The following GRIN1 variants were observed in gnomAD, a reference collection of about 807,000 sequenced individuals.
The protein encoded by GRIN1 is glutamate receptor ionotropic, NMDA 1.
Under a neutral mutation model 103.0 loss-of-function variants are expected in GRIN1, and 38 were observed. That is an observed-to-expected ratio of 0.37 (90% CI 0.28 to 0.48). The LOEUF (loss-of-function observed/expected upper bound fraction) is 0.48. GRIN1 is among the 20% of genes least tolerant of loss of function. The probability of loss-of-function intolerance (pLI) is 0.98; values close to 1 mark genes in which losing one functional copy is unlikely to be tolerated. For missense variants in GRIN1, 577 were observed against 1,288.9 expected (o/e 0.45, Z 8.46); for synonymous variants, 544 against 532.7 (o/e 1.02, Z -0.29).
intron 18 of GRIN1, 37 bp downstream of exon 18, chr9:137,163,941 G>T (rs1564365547): frequency 2.5e-6 from 4 of 1,607,760 alleles, no homozygotes; most frequent in Non-Finnish European, 1.7e-6. Flanking sequence ...GGTGCCCAGG[G>T]CCCGGCCTGG....
intron 19 of GRIN1, among the ~76,000 whole-genome samples, chr9:137,166,012 C>T (rs28708605): frequency 5.5e-4 from 83 of 152,246 alleles, no homozygotes; most frequent in African/African-American, 1.9e-3. Flanking sequence ...GGGGTGGCTC[C>T]CACCCCAGGC....
rs1833515883 is a variant in GRIN1, at chr9:137,161,157, G to C, written c.1299G>C (p.Lys433Asn). 2 of 1,612,530 alleles carry C rather than the reference G, an allele frequency of 1.2e-6. No individual in the cohort carries two copies. Among genetic ancestry groups the C allele is most frequent in the Non-Finnish European group, 1.7e-6 (2 of 1,179,800 alleles). ...EFTVNGDPVK[K>N]VICTGPNDTS... The stretch of plus-strand genomic sequence containing the variant: ...CAGTCAACGGCGACCCAGTCAAGAA[G>C]GTGATCTGCACCGGGCCCAACGACA... The change falls in exon 9 of 20, where the codon AAG (lysine) becomes AAC (asparagine). Residue 433 changes from lysine (K) to asparagine (N), a missense_variant. This residue lies in a region of GRIN1 where 96 missense variants were observed against 145.0 expected (regional missense o/e 0.66). Transcript: ENST00000371561.
chr9:137,164,151 G>A (rs980418876), intron 18 of GRIN1: 8 of 558,888 alleles, frequency 1.4e-5, no homozygotes, highest in South Asian at 3.9e-5. Context: ...CCAAGCCTCC[G>A]CCTGGCCCCT....
intron 4 of GRIN1, among the ~76,000 whole-genome samples, chr9:137,153,052 T>A (rs1199334034): frequency 6.6e-6 from 1 of 151,232 alleles, no homozygotes; most frequent in East Asian, 1.9e-4. Flanking sequence ...ACACAACACA[T>A]ACACGTGCAC....
intron 19 of GRIN1, 39 bp downstream of exon 19, chr9:137,165,335 C>A (rs770687429): frequency 1.7e-6 from 2 of 1,211,100 alleles, no homozygotes; most frequent in African/African-American, 1.5e-5. Flanking sequence ...TCCGACTCCA[C>A]CTGCCCTGCC....
intron 17 of GRIN1, 26 bp downstream of exon 17, chr9:137,163,694 GGTGGGTTCTCC>G: frequency 6.2e-7 from 1 of 1,613,222 alleles, no homozygotes; most frequent in Non-Finnish European, 8.5e-7. Flanking sequence ...TCCATTCTCG[GGTGGGTTCTCC>G]GTGGGCTGCG....
intron 19 of GRIN1, among the ~76,000 whole-genome samples, chr9:137,165,971 CTG>C (rs1214368597): frequency 6.6e-6 from 1 of 152,194 alleles, no homozygotes; most frequent in African/African-American, 2.4e-5. Context: ...CCACAGGGGA[CTG>C]TCAGGCAGGG....
chr9:137,168,677 G>A lies in GRIN1; in HGVS notation c.*1150G>A, dbSNP rs1326596972. 9 of 445,538 alleles carry A rather than the reference G, an allele frequency of 2.0e-5. No homozygotes were observed. The highest frequency in any genetic ancestry group is 2.8e-5 in the Non-Finnish European group (8 of 282,990). The allele number at this position is 445,538 out of a possible 1,614,324, so 27.6% of individuals were successfully genotyped here. Reference sequence around the variant, plus strand: ...GTGCGCAGCCGCGCTCTGCCCCTCCGTCCCCAGGGTGCAGGCGCGCACCGC... The same window carrying A: ...GTGCGCAGCCGCGCTCTGCCCCTCCATCCCCAGGGTGCAGGCGCGCACCGC... On this transcript the variant is annotated 3_prime_UTR_variant, in exon 20 of 20. Coordinates refer to ENST00000371561, the MANE Select transcript of GRIN1 (RefSeq NM_007327.4).
At chr9:137,143,313 A>G (rs569006115) in intron 2 of GRIN1, among the ~76,000 whole-genome samples, 1 of 152,386 alleles carries the variant, frequency 6.6e-6, no homozygotes, top group East Asian at 1.9e-4. Flanking sequence ...AGAGGCTGGA[A>G]CAGCCACCTT....
Position 137,139,794 on chromosome 9 carries a change from AC to A in GRIN1, c.258+54del. 1 of 1,371,784 alleles carries A rather than the reference AC, an allele frequency of 7.3e-7. No individual in the cohort carries two copies. The highest frequency in any genetic ancestry group is 1.0e-6 in the Non-Finnish European group (1 of 960,530). 85.0% of individuals were successfully genotyped at this position (1,371,784 alleles called of 1,614,324 possible). ...CACCTCCCCTCTCCTCCATCCTGCA[AC>A]CCCACACCCCCAGTTTCATTCCATC... On this transcript the variant is annotated intron_variant, in intron 1 of 19. Coordinates refer to ENST00000371561, the MANE Select transcript of GRIN1 (RefSeq NM_007327.4). This position sits in a 1 kb window ranked among gnomAD's most constrained non-coding sequence, Gnocchi z 7.7.
chr9:137,148,176 C>T, intron 3 of GRIN1: 1 of 1,546,480 alleles, frequency 6.5e-7, no homozygotes, highest in Non-Finnish European at 8.7e-7. Context: ...CTATGAAAAC[C>T]TCGACCAACT....
intron 6 of GRIN1, 126 bp from the exon 7 acceptor site, chr9:137,158,253 C>A (rs769275227): frequency 9.3e-7 from 1 of 1,074,464 alleles, no homozygotes; most frequent in Non-Finnish European, 1.4e-6. Flanking sequence ...GCTGCTCAGC[C>A]GGCAGGAGAA....
rs1554771673 is a variant in GRIN1 at position 137,168,139 on chromosome 9, G to A, written c.*612G>A. The A allele has an allele frequency of 1.9e-6, 1 of 521,108 alleles. No individual in the cohort carries two copies. Among genetic ancestry groups the A allele is most frequent in the African/African-American group, 2.0e-5 (1 of 49,380 alleles). The allele number at this position is 521,108 out of a possible 1,614,324, so 32.3% of individuals were successfully genotyped here. A position where few individuals can be genotyped will look rare whatever the true frequency, so the allele number is the denominator to read the frequency against. On this transcript the variant is annotated 3_prime_UTR_variant, in exon 20 of 20. Transcript: ENST00000371561. ...GGGGAGCGGGGGCTAACTGGCCCCA[G>A]GCGGAGGGGCTTGGAGCAGAGACGG...
At chr9:137,165,378 C>A in intron 19 of GRIN1, 82 bp downstream of exon 19, 4 of 903,820 alleles carry the variant, frequency 4.4e-6, no homozygotes, top group Non-Finnish European at 7.4e-6. Flanking sequence ...CACCCCGCCC[C>A]GGACCCTGGG....
intron 18 of GRIN1, 168 bp from the exon 19 acceptor site, chr9:137,165,018 G>A (rs1344922482): frequency 1.0e-5 from 7 of 667,428 alleles, no homozygotes; most frequent in Non-Finnish European, 1.6e-5. Flanking sequence ...CAGGAGAAGA[G>A]GCCACCCTCG....
At chr9:137,148,866 C>T (rs1041881188) in intron 3 of GRIN1, 143 bp from the exon 4 acceptor site, 8 of 695,718 alleles carry the variant, frequency 1.1e-5, no homozygotes, top group Non-Finnish European at 1.8e-5. Flanking sequence ...GGAAGGCAGG[C>T]GGAGGCGCAG....
At chr9:137,142,568 A>G (rs888788584) in intron 2 of GRIN1, among the ~76,000 whole-genome samples, 2 of 152,190 alleles carry the variant, frequency 1.3e-5, no homozygotes, top group Non-Finnish European at 2.9e-5. Flanking sequence ...ATGGATTCGC[A>G]CAAAGTCACA....
At chr9:137,163,492 G>A in intron 16 of GRIN1, 67 bp from the exon 17 acceptor site, 2 of 616,092 alleles carry the variant, frequency 3.2e-6, no homozygotes, top group Non-Finnish European at 5.7e-6. Context: ...CCCCGGCCCC[G>A]CCCCCAGCTT....
At chr9:137,153,086 TAC>T (rs746097191) in intron 4 of GRIN1, among the ~76,000 whole-genome samples, 9 of 147,510 alleles carry the variant, frequency 6.1e-5, no homozygotes, top group Non-Finnish European at 1.3e-4. Context: ...ACACCACGTG[TAC>T]ACACATGCAC....
Sources: allele counts gnomAD v4.1 joint callset (sites outside exome capture counted in the v4.1 genomes callset), GRCh38; gene constraint gnomAD v4.1.1; regional missense constraint gnomAD v4.1.1; non-coding constraint Gnocchi (gnomAD v3.1); transcripts MANE v1.5; gene names NCBI Gene and HGNC (gene_info 2026-07-23, HGNC 2026-07-21).